The following PITPNM3 variants were observed in gnomAD, a reference collection of about 807,000 sequenced individuals.
PITPNM3 encodes PITPNM family member 3, also known as membrane-associated phosphatidylinositol transfer protein 3.
Under a neutral mutation model 102.0 loss-of-function variants are expected in PITPNM3, and 26 were observed. The observed-to-expected ratio is 0.25, with a 90% CI of 0.19 to 0.35. The LOEUF (loss-of-function observed/expected upper bound fraction) is 0.35. PITPNM3 is among the 10% of genes least tolerant of loss of function. The pLI is 1.00. For missense variants in PITPNM3, 1,083 were observed against 1,346.1 expected (o/e 0.80, Z 3.06); for synonymous variants, 578 against 558.6 (o/e 1.03, Z -0.49).
Position 6,458,354 on chromosome 17 carries a change from C to T in PITPNM3, c.2491-632G>A, listed in dbSNP as rs1422440176. 6.6e-6 allele frequency among the ~76,000 whole-genome samples: 1 copy of T among 152,066 alleles called. No homozygotes were observed. The highest frequency in any genetic ancestry group is 2.4e-5 in the African/African-American group (1 of 41,372). On this transcript the variant is annotated intron_variant, in intron 18 of 19. Coordinates refer to ENST00000262483, the MANE Select transcript of PITPNM3 (RefSeq NM_031220.4). The surrounding 1 kb of genome is among the most constrained non-coding windows in gnomAD (Gnocchi z 5.1). ...CTCACTGTGTGCCTCCTGTCACTGTCATCTTCTTTTTCTCCCACTCACACT... is the reference window on the plus strand; with the variant it reads ...CTCACTGTGTGCCTCCTGTCACTGTTATCTTCTTTTTCTCCCACTCACACT...
intron 1 of PITPNM3, among the ~76,000 whole-genome samples, chr17:6,544,655 C>CTCTCACACACACAT (rs1555562205): frequency 2.1e-4 from 3 of 14,004 alleles, no homozygotes; most frequent in African/African-American, 6.8e-4. Context: ...CTCTCTCTCT[C>CTCTCACACACACAT]ACACACACAC....
At chr17:6,536,572 C>T (rs1909446325) in intron 2 of PITPNM3, among the ~76,000 whole-genome samples, 1 of 152,100 alleles carries the variant, frequency 6.6e-6, no homozygotes, top group Non-Finnish European at 1.5e-5. Context: ...TCCCCACCTC[C>T]CAGCCACATG....
chr17:6,483,824 C>T, intron 5 of PITPNM3, 72 bp from the exon 6 acceptor site: 4 of 1,300,352 alleles, frequency 3.1e-6, no homozygotes, highest in South Asian at 2.4e-5. Flanking sequence ...GGGACACACA[C>T]ACACATGTGC....
intron 10 of PITPNM3, 133 bp downstream of exon 10, chr17:6,474,299 C>A: frequency 7.8e-7 from 1 of 1,280,130 alleles, no homozygotes; most frequent in Non-Finnish European, 1.1e-6. Context: ...CCTCTCTCCT[C>A]TCTTTCCACC....
intron 18 of PITPNM3, chr17:6,460,895 T>C (rs1904412032): frequency 7.8e-6 from 2 of 256,362 alleles, no homozygotes; most frequent in Admixed American, 5.1e-5. Flanking sequence ...GGCAGATAAT[T>C]TGCACTTCTC....
At chr17:6,477,523 T>C (rs935502521) in intron 8 of PITPNM3, among the ~76,000 whole-genome samples, 2 of 152,202 alleles carry the variant, frequency 1.3e-5, no homozygotes, top group African/African-American at 2.4e-5. Context: ...TGTAGAATTA[T>C]GATACACTTC....
In PITPNM3 at chr17:6,556,271, C is replaced by A; in HGVS notation, c.22+114G>T. On this transcript the variant is annotated intron_variant, in intron 1 of 19. Coordinates refer to ENST00000262483, the MANE Select transcript of PITPNM3 (RefSeq NM_031220.4). The surrounding 1 kb of genome is among the most constrained non-coding windows in gnomAD (Gnocchi z 5.2). Reference sequence around the variant, plus strand: ...GCCCCGCTACCGCCCCCTACGCCCTCCCGGGACCTCCGCCCACCTGCGCGA... The same window carrying A: ...GCCCCGCTACCGCCCCCTACGCCCTACCGGGACCTCCGCCCACCTGCGCGA... The A allele has an allele frequency of 1.1e-6, 1 of 910,366 alleles. No homozygotes were observed. Among genetic ancestry groups the A allele is most frequent in the South Asian group, 2.2e-5 (1 of 45,258 alleles). 56.4% of individuals were successfully genotyped at this position (910,366 alleles called of 1,614,324 possible). A position where few individuals can be genotyped will look rare whatever the true frequency, so the allele number is the denominator to read the frequency against.
In PITPNM3 at chr17:6,470,981, CCAGGTCTCCAT is replaced by C. The variant is rs1229819178; in HGVS notation, c.1624+169_1624+179del. Among the ~76,000 whole-genome samples the C allele has an allele frequency of 6.6e-6, 1 of 152,142 alleles. No individual in the cohort carries two copies. Among genetic ancestry groups the C allele is most frequent in the African/African-American group, 2.4e-5 (1 of 41,422 alleles). ...GCCAGAGTGAGGATCTGGACCGATG[CCAGGTCTCCAT>C]CAGCAGACGCCCAGCTCTCTAAAGG... On this transcript the variant is annotated intron_variant, in intron 12 of 19. Transcript: ENST00000262483. This position sits in a 1 kb window ranked among gnomAD's most constrained non-coding sequence, Gnocchi z 4.8.
chr17:6,556,344 C>G lies in PITPNM3; in HGVS notation c.22+41G>C. On this transcript the variant is annotated intron_variant, in intron 1 of 19. Coordinates refer to ENST00000262483, the MANE Select transcript of PITPNM3 (RefSeq NM_031220.4). The surrounding 1 kb of genome is among the most constrained non-coding windows in gnomAD (Gnocchi z 5.2). ...CCCTCCTCTAGACGCGCGAGTCCCT[C>G]CCCCGGGCCCCGGCCCTGCCCTCCC... 1 of 1,393,088 alleles carries G rather than the reference C, an allele frequency of 7.2e-7. No individual in the cohort carries two copies. 86.3% of individuals were successfully genotyped at this position (1,393,088 alleles called of 1,614,324 possible).
At chr17:6,547,068 C>G (rs1323300809) in intron 1 of PITPNM3, among the ~76,000 whole-genome samples, 4 of 152,212 alleles carry the variant, frequency 2.6e-5, no homozygotes, top group Middle Eastern at 3.4e-3. Context: ...TTTCCACAGC[C>G]TCTGCTGCCT....
chr17:6,554,318 CAA>C (rs35188321), intron 1 of PITPNM3, among the ~76,000 whole-genome samples: 31,996 of 72,722 alleles, frequency 0.44, 3,946 homozygotes, highest in Admixed American at 0.5. Context: ...GACTCCATCT[CAA>C]AAAAAAAAAA....
chr17:6,483,556 C>G lies in PITPNM3; in HGVS notation c.548G>C (p.Cys183Ser), dbSNP rs768793848. The G allele has an allele frequency of 2.1e-5, 34 of 1,614,010 alleles. No individual in the cohort carries two copies. The highest frequency in any genetic ancestry group is 2.7e-5 in the Non-Finnish European group (32 of 1,180,008). Residue 183 changes from cysteine (C) to serine (S), a missense_variant, in exon 6 of 20, where the codon TGT (cysteine) becomes TCT (serine). Coordinates refer to ENST00000262483, the MANE Select transcript of PITPNM3 (RefSeq NM_031220.4). Reference protein sequence around the residue: ...LGHILIKFVPCPAICSEAFSL... With the variant: ...LGHILIKFVPSPAICSEAFSL... Reference sequence around the variant, plus strand: ...GAAAGCCTCAGAGCAGATGGCAGGACAGGGGACGAACTTGATGAGGATGTG... The same window carrying G: ...GAAAGCCTCAGAGCAGATGGCAGGAGAGGGGACGAACTTGATGAGGATGTG...
At position 6,470,109 on chromosome 17, in the gene PITPNM3, T is replaced by G. The variant is rs1597366813; in HGVS notation, c.1773+151A>C. On this transcript the variant is annotated intron_variant, in intron 13 of 19. Coordinates refer to ENST00000262483, the MANE Select transcript of PITPNM3 (RefSeq NM_031220.4). The surrounding 1 kb of genome is among the most constrained non-coding windows in gnomAD (Gnocchi z 4.8). ...ATTCTCTGGTCATGTCACTCCCCAC[T>G]CACGTAGGTGCTCCAATGCCTTCCT... is the stretch of plus-strand genomic sequence containing the variant. 1 of 895,568 alleles carries G rather than the reference T, an allele frequency of 1.1e-6. No individual in the cohort carries two copies. The highest frequency in any genetic ancestry group is 2.7e-5 in the East Asian group (1 of 37,518). The allele number at this position is 895,568 out of a possible 1,614,324, so 55.5% of individuals were successfully genotyped here.
At position 6,477,031 on chromosome 17, in the gene PITPNM3, T is replaced by C. The variant is rs957525636; in HGVS notation, c.1083A>G (p.Ser361=). Residue 361 remains serine (S), a splice_region_variant and synonymous_variant, in exon 9 of 20, where the codon TCA becomes TCG. Coordinates refer to ENST00000262483, the MANE Select transcript of PITPNM3 (RefSeq NM_031220.4). The stretch of plus-strand genomic sequence containing the variant: ...GCTTCTGGACAGGGAGGGGCTACCT[T>C]GAGAGGAAGGCATGGTGCTGGGTGA... ...EAITQHHAFL[S]SIHSSVLKDE... is the part of the protein sequence containing the mutation. 6.2e-7 allele frequency: 1 copy of C among 1,613,602 alleles called. No individual in the cohort carries two copies. The highest frequency in any genetic ancestry group is 1.3e-5 in the African/African-American group (1 of 74,910).
intron 4 of PITPNM3, among the ~76,000 whole-genome samples, chr17:6,501,640 G>T (rs1907182798): frequency 6.6e-6 from 1 of 151,952 alleles, no homozygotes. Flanking sequence ...TTGCAGCTTT[G>T]GGGGGCTCAG....
intron 10 of PITPNM3, among the ~76,000 whole-genome samples, chr17:6,473,540 T>C (rs1160233752): frequency 6.6e-6 from 1 of 152,178 alleles, no homozygotes; most frequent in African/African-American, 2.4e-5. Context: ...AGCATGGATC[T>C]GTGGATACCC....
At chr17:6,493,588 C>T (rs1301535418) in intron 4 of PITPNM3, among the ~76,000 whole-genome samples, 1 of 152,210 alleles carries the variant, frequency 6.6e-6, no homozygotes, top group African/African-American at 2.4e-5. Flanking sequence ...TAGCAGGGTG[C>T]TGGGGAGGGA....
intron 4 of PITPNM3, among the ~76,000 whole-genome samples, chr17:6,491,226 C>A (rs911209448): frequency 1.3e-5 from 2 of 151,624 alleles, no homozygotes; most frequent in South Asian, 4.2e-4. Context: ...GCTGGACCAG[C>A]AGCTCAAGGG....
At chr17:6,536,687 T>A (rs1441432554) in intron 2 of PITPNM3, among the ~76,000 whole-genome samples, 1 of 152,204 alleles carries the variant, frequency 6.6e-6, no homozygotes, top group Non-Finnish European at 1.5e-5. Context: ...GTCACAGAAC[T>A]AGTCGATGGC....
Sources: allele counts gnomAD v4.1 joint callset (sites outside exome capture counted in the v4.1 genomes callset), GRCh38; gene constraint gnomAD v4.1.1; non-coding constraint Gnocchi (gnomAD v3.1); transcripts MANE v1.5; gene names NCBI Gene and HGNC (gene_info 2026-07-23, HGNC 2026-07-21).